Variants in EYA2 observed in about 807,000 individuals in gnomAD.
EYA2 encodes EYA transcriptional coactivator and phosphatase 2, also known as protein phosphatase EYA2.
In EYA2, 31 loss-of-function variants were observed where a neutral mutation model predicts 69.2. The observed-to-expected ratio is 0.45, with a 90% CI of 0.34 to 0.60. The LOEUF (loss-of-function observed/expected upper bound fraction) is 0.60. Ranked by LOEUF, EYA2 falls within the 20% of genes least tolerant of loss-of-function variation. EYA2 has a pLI of 0.02. For synonymous variants in EYA2, 257 were observed against 279.4 expected (o/e 0.92, Z 0.80); for missense variants, 622 against 701.2 (o/e 0.89, Z 1.28).
chr20:46,964,303 T>TA (rs1025647089), intron 1 of EYA2, among the ~76,000 whole-genome samples: 2 of 152,180 alleles, frequency 1.3e-5, no homozygotes, highest in African/African-American at 4.8e-5. Flanking sequence ...GATGTATGTT[T>TA]AAAAATCTCA....
intron 1 of EYA2, among the ~76,000 whole-genome samples, chr20:46,895,664 A>G (rs1015519249): frequency 4.6e-5 from 7 of 152,200 alleles, no homozygotes; most frequent in Admixed American, 2.0e-4. Flanking sequence ...TAATGGGAGA[A>G]AGTGGGAAAT....
intron 9 of EYA2, among the ~76,000 whole-genome samples, chr20:47,099,789 AT>A (rs1275012807): frequency 1.3e-5 from 2 of 148,372 alleles, no homozygotes; most frequent in Non-Finnish European, 1.5e-5. Context: ...GTCTGTCCTC[AT>A]AACTGTGTTT....
At chr20:47,086,312 C>G (rs2031891690) in intron 7 of EYA2, among the ~76,000 whole-genome samples, 1 of 152,114 alleles carries the variant, frequency 6.6e-6, no homozygotes, top group South Asian at 2.1e-4. Flanking sequence ...ATGGTGAAAC[C>G]CCATCTCTAC....
chr20:47,116,069 C>A (rs1030265181), intron 9 of EYA2, among the ~76,000 whole-genome samples: 2 of 152,132 alleles, frequency 1.3e-5, no homozygotes, highest in African/African-American at 4.8e-5. Flanking sequence ...TTAAAAACCT[C>A]CTACTGATGG....
intron 10 of EYA2, among the ~76,000 whole-genome samples, chr20:47,166,112 C>T (rs1336942786): frequency 6.6e-6 from 1 of 151,956 alleles, no homozygotes; most frequent in Non-Finnish European, 1.5e-5. Context: ...TAAATTCAAG[C>T]CTTTTGGCCA....
intron 5 of EYA2, among the ~76,000 whole-genome samples, chr20:47,069,704 A>T (rs1422314560): frequency 6.6e-6 from 1 of 152,114 alleles, no homozygotes; most frequent in Non-Finnish European, 1.5e-5. Flanking sequence ...ATATCAAAAC[A>T]TCTCATGTAC....
rs550058729 is a variant in EYA2 at position 47,053,685 on chromosome 20, A to T, written c.416-18500A>T. 6.5e-4 allele frequency among the ~76,000 whole-genome samples: 98 copies of T among 150,822 alleles called. No homozygotes were observed. In the East Asian group the frequency reaches 0.013, roughly 20 times the overall value. Reference sequence around the variant, plus strand: ...CTTGTCTCAAAAAAAAAAAAAAAAAAAGAGTAAGATTCTTCTATCTCCCAA... The same window carrying T: ...CTTGTCTCAAAAAAAAAAAAAAAAATAGAGTAAGATTCTTCTATCTCCCAA... On this transcript the variant is annotated intron_variant, in intron 5 of 15. Transcript: ENST00000327619.
chr20:47,155,189 G>A (rs1056124742), intron 10 of EYA2, among the ~76,000 whole-genome samples: 1 of 151,986 alleles, frequency 6.6e-6, no homozygotes, highest in Non-Finnish European at 1.5e-5. Flanking sequence ...ATGAAAAATC[G>A]AATTATTAGA....
chr20:47,079,231 C>T (rs898701949), intron 7 of EYA2, among the ~76,000 whole-genome samples: 4 of 152,200 alleles, frequency 2.6e-5, no homozygotes, highest in African/African-American at 9.6e-5. Flanking sequence ...TCAGTTTCTT[C>T]TTGCTGCTGT....
intron 10 of EYA2, among the ~76,000 whole-genome samples, chr20:47,154,237 A>G (rs2033877370): frequency 6.6e-6 from 1 of 151,966 alleles, no homozygotes; most frequent in African/African-American, 2.4e-5. Flanking sequence ...AGAGCCAGAG[A>G]GAGAAAACAG....
intron 1 of EYA2, among the ~76,000 whole-genome samples, chr20:46,934,258 C>G (rs562654360): frequency 2.8e-4 from 43 of 152,278 alleles, no homozygotes; most frequent in African/African-American, 9.9e-4. Flanking sequence ...TCCAGGCACT[C>G]AAACAACATC....
At chr20:47,156,791 A>T (rs980527746) in intron 10 of EYA2, among the ~76,000 whole-genome samples, 1 of 151,980 alleles carries the variant, frequency 6.6e-6, no homozygotes, top group African/African-American at 2.4e-5. Flanking sequence ...TGGAGGCAGC[A>T]TTAAGCAATC....
At chr20:47,180,038 A>G (rs916557386) in intron 13 of EYA2, 126 bp downstream of exon 13, 13 of 539,740 alleles carry the variant, frequency 2.4e-5, no homozygotes, top group Middle Eastern at 4.9e-4. Context: ...CTTTCCAAAT[A>G]TTTTTTTTTT....
chr20:47,181,566 TGGC>T (rs564272335), intron 14 of EYA2, among the ~76,000 whole-genome samples: 256 of 152,266 alleles, frequency 1.7e-3, no homozygotes, highest in African/African-American at 5.8e-3. Flanking sequence ...TGGAATGCAG[TGGC>T]GAGATCATAG....
intron 9 of EYA2, among the ~76,000 whole-genome samples, chr20:47,110,143 TCCAGAGAAACTGAGGC>T (rs2032707917): frequency 6.6e-6 from 1 of 152,178 alleles, no homozygotes; most frequent in Non-Finnish European, 1.5e-5. Context: ...TATACTCATT[TCCAGAGAAACTGAGGC>T]CCAGAGAGGT....
intron 1 of EYA2, among the ~76,000 whole-genome samples, chr20:46,899,685 C>T (rs1983996274): frequency 6.6e-6 from 1 of 152,136 alleles, no homozygotes; most frequent in Non-Finnish European, 1.5e-5. Context: ...AGTCAGGTAG[C>T]TGGAATGATT....
intron 4 of EYA2, among the ~76,000 whole-genome samples, chr20:47,010,628 C>CAAAA (rs11086189): frequency 6.8e-6 from 1 of 146,706 alleles, no homozygotes. Flanking sequence ...AATCCTGTCT[C>CAAAA]AAAAAAAAAA....
chr20:47,040,243 A>G (rs535205862), intron 5 of EYA2, among the ~76,000 whole-genome samples: 3 of 152,148 alleles, frequency 2.0e-5, no homozygotes, highest in Non-Finnish European at 4.4e-5. Flanking sequence ...TTTCTACAGT[A>G]TTGGTTCTAT....
At chr20:46,984,616 C>G (rs1158518824) in intron 1 of EYA2, among the ~76,000 whole-genome samples, 1 of 152,038 alleles carries the variant, frequency 6.6e-6, no homozygotes, top group Non-Finnish European at 1.5e-5. Flanking sequence ...AAACTGGAAC[C>G]CTTATGTACT....
Sources: allele counts gnomAD v4.1 joint callset (sites outside exome capture counted in the v4.1 genomes callset), GRCh38; gene constraint gnomAD v4.1.1; transcripts MANE v1.5; gene names NCBI Gene and HGNC (gene_info 2026-07-23, HGNC 2026-07-21).